Variants in MACIR observed in about 807,000 individuals in gnomAD.
The protein encoded by MACIR is UNC119-binding protein C5orf30.
Under a neutral mutation model 14.3 loss-of-function variants are expected in MACIR, and 4 were observed. The observed-to-expected ratio is 0.28, with a 90% CI of 0.14 to 0.64. The LOEUF (loss-of-function observed/expected upper bound fraction) is 0.64. Ranked by LOEUF, MACIR falls within the 30% of genes least tolerant of loss-of-function variation. The pLI, the probability that MACIR is intolerant of heterozygous loss-of-function variation, is 0.83. For missense variants in MACIR, 228 were observed against 257.6 expected (o/e 0.89, Z 0.79); for synonymous variants, 101 against 102.4 (o/e 0.99, Z 0.08).
At chr5:103,258,752 C>G (rs1007142834), upstream of MACIR, 1 of 152,978 alleles carries the variant, frequency 6.5e-6, no homozygotes, top group Non-Finnish European at 1.5e-5. Context: ...TGGCGCCGAG[C>G]GCGGTGGGAG....
chr5:103,268,319 A>G (rs1805000745), intron 2 of MACIR, among the ~76,000 whole-genome samples: 1 of 152,190 alleles, frequency 6.6e-6, no homozygotes, highest in Non-Finnish European at 1.5e-5. Flanking sequence ...AACTACGCCA[A>G]AGTGTGTGCA....
At chr5:103,264,188 T>G (rs1443739567) in intron 1 of MACIR, among the ~76,000 whole-genome samples, 1 of 152,134 alleles carries the variant, frequency 6.6e-6, no homozygotes, top group Non-Finnish European at 1.5e-5. Flanking sequence ...GGCCAGAGTG[T>G]AAAGTAAATG....
chr5:103,276,716 T>C lies in MACIR; in HGVS notation c.*176T>C. ...AATACAGGAATGAAATCACAGGTACTTGGGGGGGGGATATCATTCTAGAGC... is the reference window on the plus strand; with the variant it reads ...AATACAGGAATGAAATCACAGGTACCTGGGGGGGGGATATCATTCTAGAGC... On this transcript the variant is annotated 3_prime_UTR_variant, in exon 3 of 3. Transcript: ENST00000319933. 1.9e-6 allele frequency: 1 copy of C among 527,898 alleles called. No homozygotes were observed. The highest frequency in any genetic ancestry group is 3.3e-6 in the Non-Finnish European group (1 of 304,522). 32.7% of individuals were successfully genotyped at this position (527,898 alleles called of 1,614,324 possible).
rs782728831 is a variant in MACIR, at chr5:103,276,065, C to T, written c.146C>T (p.Ser49Leu). ...TGCTCCCCGATGCGGAGGACCGTGT[C>T]AGGCTACCAGATCCTACACATGGAC... ...TPCSPMRRTV[S>L]GYQILHMDSN... Residue 49 changes from serine to leucine, a missense_variant, in exon 3 of 3, where the codon TCA becomes TTA. Physicochemically the swap from Ser to Leu is moderately radical, Grantham distance 145 (BLOSUM62 -2). Coordinates refer to ENST00000319933, the MANE Select transcript of MACIR (RefSeq NM_033211.4). The T allele has an allele frequency of 1.2e-6, 2 of 1,613,946 alleles. No individual in the cohort carries two copies. The highest frequency in any genetic ancestry group is 1.3e-5 in the African/African-American group (1 of 74,858).
At chr5:103,265,823 TTC>T (rs1804906118) in intron 1 of MACIR, 83 bp from the exon 2 acceptor site, 1 of 152,164 alleles carries the variant, frequency 6.6e-6, no homozygotes, top group Non-Finnish European at 1.5e-5. Context: ...GCTAGTTTTA[TTC>T]TCTTTTGCAG....
intron 2 of MACIR, 90 bp from the exon 3 acceptor site, chr5:103,275,807 C>T: frequency 1.8e-6 from 2 of 1,090,642 alleles, no homozygotes; most frequent in East Asian, 2.5e-5. Context: ...GCAAGTGTTA[C>T]TTCATGCTCC....
intron 1 of MACIR, among the ~76,000 whole-genome samples, chr5:103,262,584 G>A (rs1264788495): frequency 6.6e-6 from 1 of 152,168 alleles, no homozygotes. Flanking sequence ...GTTAATGTTT[G>A]CAAACTTTTC....
rs1554237791 is a variant in MACIR at position 103,276,665 on chromosome 5, C to G, written c.*125C>G. ...TTATATCAGCTAAGTGTTCCTGGAA[C>G]ATAAAAATTGTTTGGGTCAAATTTG... On this transcript the variant is annotated 3_prime_UTR_variant, in exon 3 of 3. Transcript: ENST00000319933. 1.1e-6 allele frequency: 1 copy of G among 906,802 alleles called. No homozygotes were observed. The highest frequency in any genetic ancestry group is 1.7e-5 in the African/African-American group (1 of 59,790). 56.2% of individuals were successfully genotyped at this position (906,802 alleles called of 1,614,324 possible). A position where few individuals can be genotyped will look rare whatever the true frequency, so the allele number is the denominator to read the frequency against.
intron 1 of MACIR, among the ~76,000 whole-genome samples, chr5:103,264,417 C>G (rs184361764): frequency 1.3e-5 from 2 of 152,222 alleles, no homozygotes; most frequent in East Asian, 3.9e-4. Flanking sequence ...TAGAACTCCT[C>G]TTTCCCATTA....
chr5:103,262,153 T>A (rs1332819149), intron 1 of MACIR, among the ~76,000 whole-genome samples: 30 of 152,174 alleles, frequency 2.0e-4, no homozygotes, highest in Admixed American at 2.0e-3. Context: ...TAGAAGGATT[T>A]ATTTCCATGT....
chr5:103,273,074 C>T (rs1805194142), intron 2 of MACIR, among the ~76,000 whole-genome samples: 1 of 152,196 alleles, frequency 6.6e-6, no homozygotes, highest in Non-Finnish European at 1.5e-5. Context: ...ACCTGTTTTG[C>T]ATTGGCTTTA....
chr5:103,267,517 C>T (rs975524215), intron 2 of MACIR, among the ~76,000 whole-genome samples: 4 of 151,980 alleles, frequency 2.6e-5, no homozygotes, highest in African/African-American at 7.3e-5. Context: ...GTAAATAAAT[C>T]GACATTCTAG....
chr5:103,267,093 T>G (rs1372892531), intron 2 of MACIR, among the ~76,000 whole-genome samples: 1 of 152,136 alleles, frequency 6.6e-6, no homozygotes, highest in African/African-American at 2.4e-5. Flanking sequence ...GGAATGTATG[T>G]GTATCTATGT....
Position 103,275,897 on chromosome 5 carries a change from G to T in MACIR, c.-23G>T. The T allele has an allele frequency of 6.3e-7, 1 of 1,595,272 alleles. No homozygotes were observed. The highest frequency in any genetic ancestry group is 8.5e-7 in the Non-Finnish European group (1 of 1,169,776). ...CTAATCTAAGTCTGTTTACTTTTAG[G>T]ATTGTGCAGACTGGTGCTTAAAATG... On this transcript the variant is annotated splice_region_variant and 5_prime_UTR_variant, in exon 3 of 3. Transcript: ENST00000319933.
rs370976904 is a variant in MACIR at position 103,276,184 on chromosome 5, C to G, written c.265C>G (p.Pro89Ala). The G allele has an allele frequency of 6.2e-7, 1 of 1,613,770 alleles. No homozygotes were observed. The highest frequency in any genetic ancestry group is 1.6e-4 in the Middle Eastern group (1 of 6,062). ...GGEESKAEAM[P>A]SLRSKQLDAG... ...TGAAGAGAGCAAAGCAGAAGCCATG[C>G]CATCCTTACGCTCCAAACAGCTAGA... The change falls in exon 3 of 3, where the codon CCA becomes GCA. Residue 89 changes from proline (P) to alanine (A), a missense_variant. Coordinates refer to ENST00000319933, the MANE Select transcript of MACIR (RefSeq NM_033211.4).
In MACIR at chr5:103,277,160, GT is replaced by G. The variant is rs1410113179; in HGVS notation, c.*622del. On this transcript the variant is annotated 3_prime_UTR_variant, in exon 3 of 3. Coordinates refer to ENST00000319933, the MANE Select transcript of MACIR (RefSeq NM_033211.4). Reference sequence around the variant, plus strand: ...TGAATTTTTTATTTCCGCATGGAAAGTTATTGATCTCTATGGCTGTAAAATA... The same window carrying G: ...TGAATTTTTTATTTCCGCATGGAAAGTATTGATCTCTATGGCTGTAAAATA... 1.8e-5 allele frequency: 3 copies of G among 166,962 alleles called. No homozygotes were observed. The highest frequency in any genetic ancestry group is 7.2e-5 in the African/African-American group (3 of 41,420). 10.3% of individuals were successfully genotyped at this position (166,962 alleles called of 1,614,324 possible).
chr5:103,258,901 G>A lies in MACIR; in HGVS notation c.-114+5G>A, dbSNP rs1291557185. 6.6e-6 allele frequency: 1 copy of A among 152,482 alleles called. No homozygotes were observed. Among genetic ancestry groups the A allele is most frequent in the East Asian group, 1.9e-4 (1 of 5,172 alleles). 9.4% of individuals were successfully genotyped at this position (152,482 alleles called of 1,614,324 possible). On this transcript the variant is annotated splice_donor_5th_base_variant and intron_variant, in intron 1 of 2. Coordinates refer to ENST00000319933, the MANE Select transcript of MACIR (RefSeq NM_033211.4). ...CAGCGGAGCCCTGGGCCATCGGTAGGTTGCACGGGGACGACGGCTCCGTCT... is the reference window on the plus strand; with the variant it reads ...CAGCGGAGCCCTGGGCCATCGGTAGATTGCACGGGGACGACGGCTCCGTCT...
chr5:103,274,871 A>G (rs935104213), intron 2 of MACIR, among the ~76,000 whole-genome samples: 1 of 152,228 alleles, frequency 6.6e-6, no homozygotes, highest in Admixed American at 6.5e-5. Context: ...TTAAAAAGCA[A>G]GTACAAATAG....
At chr5:103,273,854 G>A (rs1031124470) in intron 2 of MACIR, among the ~76,000 whole-genome samples, 13 of 152,276 alleles carry the variant, frequency 8.5e-5, no homozygotes, top group Admixed American at 2.0e-4. Flanking sequence ...TAAGCTGCGT[G>A]GTGGGACTCC....
Sources: allele counts gnomAD v4.1 joint callset (sites outside exome capture counted in the v4.1 genomes callset), GRCh38; gene constraint gnomAD v4.1.1; transcripts MANE v1.5; gene names NCBI Gene and HGNC (gene_info 2026-07-23, HGNC 2026-07-21).